NUDT5: variants seen among roughly 807,000 people sequenced by gnomAD.
The protein encoded by NUDT5 is ADP-sugar pyrophosphatase.
In NUDT5, 21 loss-of-function variants were observed where a neutral mutation model predicts 34.1. The ratio of observed to expected loss-of-function variants is 0.62; its 90% CI spans 0.44 to 0.89. The LOEUF (loss-of-function observed/expected upper bound fraction) is 0.89. Ranked by LOEUF, NUDT5 falls within the 40% of genes least tolerant of loss-of-function variation. The probability of loss-of-function intolerance (pLI) is 0.00; values close to 1 mark genes in which losing one functional copy is unlikely to be tolerated. For synonymous variants in NUDT5, 85 were observed against 97.6 expected (o/e 0.87, Z 0.76); for missense variants, 249 against 274.8 (o/e 0.91, Z 0.66).
In NUDT5 at chr10:12,182,882, G is replaced by A. The variant is rs113675989; in HGVS notation, c.131+2007C>T. On this transcript the variant is annotated intron_variant, in intron 3 of 9. Transcript: ENST00000491614. This position sits in a 1 kb window ranked among gnomAD's most constrained non-coding sequence, Gnocchi z 4.3. ...CTCCGGGGTAGCTGGGATTACAGGCGCATGCCACCACGCTGGGCTAATTTT... is the reference window on the plus strand; with the variant it reads ...CTCCGGGGTAGCTGGGATTACAGGCACATGCCACCACGCTGGGCTAATTTT... Among the ~76,000 whole-genome samples the A allele has an allele frequency of 0.094, 14,236 of 152,140 alleles. 868 individuals are homozygous for A. The highest frequency in any genetic ancestry group is 0.13 in the Non-Finnish European group (9,115 of 67,988).
At chr10:12,177,473 C>G (rs930425081) in intron 5 of NUDT5, among the ~76,000 whole-genome samples, 1 of 152,118 alleles carries the variant, frequency 6.6e-6, no homozygotes, top group South Asian at 2.1e-4. Context: ...GAGCCGAGAT[C>G]GTGCCACTGC....
chr10:12,184,496 C>G, intron 3 of NUDT5: 1 of 1,552,544 alleles, frequency 6.4e-7, no homozygotes, highest in Non-Finnish European at 8.7e-7. Flanking sequence ...GCACGTACCT[C>G]AAAATTAGCA....
chr10:12,183,996 T>C (rs1835083940), intron 3 of NUDT5, among the ~76,000 whole-genome samples: 1 of 152,232 alleles, frequency 6.6e-6, no homozygotes, highest in Non-Finnish European at 1.5e-5. Flanking sequence ...GTGAACATTT[T>C]CTATACATAA....
At chr10:12,167,903 T>C in intron 9 of NUDT5, 92 bp from the exon 10 acceptor site, 1 of 1,558,672 alleles carries the variant, frequency 6.4e-7, no homozygotes. Context: ...GGTACTACTA[T>C]ATGTCACTTC....
rs1032879816 is a variant in NUDT5 at position 12,167,413 on chromosome 10, C to A, written c.*289G>T. ...AAATACCCCTGTCTACCAGACTGGA[C>A]TAGAAAAGTAACTGAGCTGTAGTTA... On this transcript the variant is annotated 3_prime_UTR_variant, in exon 10 of 10. Transcript: ENST00000491614. 4 of 320,496 alleles carry A rather than the reference C, an allele frequency of 1.2e-5. No individual in the cohort carries two copies. The highest frequency in any genetic ancestry group is 2.3e-5 in the Non-Finnish European group (4 of 170,860). The allele number at this position is 320,496 out of a possible 1,614,324, so 19.9% of individuals were successfully genotyped here.
intron 1 of NUDT5, among the ~76,000 whole-genome samples, chr10:12,194,479 G>A (rs1835294212): frequency 6.6e-6 from 1 of 152,104 alleles, no homozygotes; most frequent in African/African-American, 2.4e-5. Context: ...CCGGATCAAG[G>A]CATAAATGAT....
rs145721779 is a variant in NUDT5, at chr10:12,169,123, T to A, written c.551-1312A>T. ...GACTTCTCAAATGTTGCTGGTTGAATAAACGGTTTGATTACTGTATTTTGA... is the reference window on the plus strand; with the variant it reads ...GACTTCTCAAATGTTGCTGGTTGAAAAAACGGTTTGATTACTGTATTTTGA... On this transcript the variant is annotated intron_variant, in intron 9 of 9. Coordinates refer to ENST00000491614, the MANE Select transcript of NUDT5 (RefSeq NM_014142.4). The surrounding 1 kb of genome is among the most constrained non-coding windows in gnomAD (Gnocchi z 4.8). 285 of 565,456 alleles carry A rather than the reference T, an allele frequency of 5.0e-4. 1 individual carries two copies. The African/African-American group carries it at 5.1e-3, about 10-fold the overall frequency. 35.0% of individuals were successfully genotyped at this position (565,456 alleles called of 1,614,324 possible).
chr10:12,184,871 G>GAAA lies in NUDT5; in HGVS notation c.131+15_131+17dup. On this transcript the variant is annotated intron_variant, in intron 3 of 9. Transcript: ENST00000491614. ...AACCCAAATAACGAACATTTTGTAA[G>GAAA]AAAAAAAAAAAGTTTACCTAGTTTT... 2.6e-6 allele frequency: 3 copies of GAAA among 1,151,882 alleles called. No homozygotes were observed. Among genetic ancestry groups the GAAA allele is most frequent in the Non-Finnish European group, 3.6e-6 (3 of 839,830 alleles). 71.4% of individuals were successfully genotyped at this position (1,151,882 alleles called of 1,614,324 possible). A position where few individuals can be genotyped will look rare whatever the true frequency, so the allele number is the denominator to read the frequency against.
In NUDT5 at chr10:12,167,157, A is replaced by G. The variant is rs1454243692; in HGVS notation, c.*545T>C. 1 of 159,058 alleles carries G rather than the reference A, an allele frequency of 6.3e-6. No homozygotes were observed. Among genetic ancestry groups the G allele is most frequent in the Non-Finnish European group, 1.4e-5 (1 of 72,046 alleles). 9.9% of individuals were successfully genotyped at this position (159,058 alleles called of 1,614,324 possible). A position where few individuals can be genotyped will look rare whatever the true frequency, so the allele number is the denominator to read the frequency against. On this transcript the variant is annotated 3_prime_UTR_variant, in exon 10 of 10. Transcript: ENST00000491614. Reference sequence around the variant, plus strand: ...AGCCTCAGTAAATAGATGAACTGAAAACTAGTAGAGGATTCTATCGAACCC... The same window carrying G: ...AGCCTCAGTAAATAGATGAACTGAAGACTAGTAGAGGATTCTATCGAACCC...
In NUDT5 at chr10:12,170,947, G is replaced by A. The variant is rs550690948; in HGVS notation, c.488-39C>T. 32 of 1,609,218 alleles carry A rather than the reference G, an allele frequency of 2.0e-5. No homozygotes were observed. Among genetic ancestry groups the A allele is most frequent in the Non-Finnish European group, 2.6e-5 (31 of 1,177,528 alleles). ...GAAGGAAAACATTTCAGCAAGGCCT[G>A]GAGTGGTAACATCGGAAGACTTTTA... is the stretch of plus-strand genomic sequence containing the variant. On this transcript the variant is annotated intron_variant, in intron 7 of 9. Coordinates refer to ENST00000491614, the MANE Select transcript of NUDT5 (RefSeq NM_014142.4). This position sits in a 1 kb window ranked among gnomAD's most constrained non-coding sequence, Gnocchi z 4.9.
rs186400014 is a variant in NUDT5, at chr10:12,171,691, A to T, written c.488-783T>A. 0.064 allele frequency among the ~76,000 whole-genome samples: 2,933 copies of T among 45,850 alleles called. 38 individuals carry two copies. Among genetic ancestry groups the T allele is most frequent in the Middle Eastern group, 0.12 (11 of 88 alleles). 30.1% of individuals were successfully genotyped at this position (45,850 alleles called of 152,430 possible). ...CAGTTCAAAAATTAAGATTTATTTTATTTATTTATTTATTTATTTATTTAT... is the reference window on the plus strand; with the variant it reads ...CAGTTCAAAAATTAAGATTTATTTTTTTTATTTATTTATTTATTTATTTAT... On this transcript the variant is annotated intron_variant, in intron 7 of 9. Transcript: ENST00000491614. This position sits in a 1 kb window ranked among gnomAD's most constrained non-coding sequence, Gnocchi z 4.2.
chr10:12,168,833 G>A lies in NUDT5; in HGVS notation c.551-1022C>T, dbSNP rs1834778334. Among the ~76,000 whole-genome samples, 1 of 152,004 alleles carries A rather than the reference G, an allele frequency of 6.6e-6. No individual in the cohort carries two copies. Among genetic ancestry groups the A allele is most frequent in the African/African-American group, 2.4e-5 (1 of 41,378 alleles). ...GCTGCAGTGCAGTGCCACGATCTTG[G>A]CTCACTGCAACCTGCGCCTCCCGGG... On this transcript the variant is annotated intron_variant, in intron 9 of 9. Transcript: ENST00000491614. This position sits in a 1 kb window ranked among gnomAD's most constrained non-coding sequence, Gnocchi z 4.8.
rs1834854338 is a variant in NUDT5, at chr10:12,171,546, CCT to C, written c.488-640_488-639del. On this transcript the variant is annotated intron_variant, in intron 7 of 9. Transcript: ENST00000491614. The surrounding 1 kb of genome is among the most constrained non-coding windows in gnomAD (Gnocchi z 4.2). ...ACACAGGCACGCAAGTATATGAGTCCCTGTTTCACTTCTTCTGGGTGTAGACT... is the reference window on the plus strand; with the variant it reads ...ACACAGGCACGCAAGTATATGAGTCCGTTTCACTTCTTCTGGGTGTAGACT... 6.6e-6 allele frequency among the ~76,000 whole-genome samples: 1 copy of C among 152,028 alleles called. No individual in the cohort carries two copies. The highest frequency in any genetic ancestry group is 2.4e-5 in the African/African-American group (1 of 41,396).
chr10:12,195,782 G>C lies in NUDT5; in HGVS notation c.-54C>G. The C allele has an allele frequency of 3.9e-5, 8 of 203,684 alleles. No individual in the cohort carries two copies. The highest frequency in any genetic ancestry group is 1.1e-4 in the Admixed American group (2 of 18,628). The allele number at this position is 203,684 out of a possible 1,614,324, so 12.6% of individuals were successfully genotyped here. A position where few individuals can be genotyped will look rare whatever the true frequency, so the allele number is the denominator to read the frequency against. On this transcript the variant is annotated 5_prime_UTR_variant, in exon 1 of 10. Transcript: ENST00000491614. ...CCCGGTTACTTACTCCAAGGTGTAG[G>C]GGTGAAGAACGGAAGAGGACGAAAT...
chr10:12,167,836 T>C, intron 9 of NUDT5, 25 bp from the exon 10 acceptor site: 1 of 1,612,522 alleles, frequency 6.2e-7, no homozygotes, highest in Non-Finnish European at 8.5e-7. Flanking sequence ...GAAAACAACT[T>C]AGATCATGCC....
At chr10:12,172,178 T>C (rs977656067) in intron 7 of NUDT5, among the ~76,000 whole-genome samples, 6 of 152,208 alleles carry the variant, frequency 3.9e-5, no homozygotes, top group African/African-American at 1.4e-4. Flanking sequence ...CAACACGGAA[T>C]TGACAGAGAC....
Position 12,189,198 on chromosome 10 carries a change from C to A in NUDT5, c.-41-2866G>T, listed in dbSNP as rs183227124. 2.4e-3 allele frequency among the ~76,000 whole-genome samples: 363 copies of A among 152,188 alleles called. 1 individual carries two copies. The highest frequency in any genetic ancestry group is 8.4e-3 in the African/African-American group (348 of 41,532). On this transcript the variant is annotated intron_variant, in intron 1 of 9. Coordinates refer to ENST00000491614, the MANE Select transcript of NUDT5 (RefSeq NM_014142.4). ...TCGGCTCACTGCAACCTCTGCCTCA[C>A]GGATTCAAGCGATTCTCCTGCCTCA...
At chr10:12,167,959 C>G (rs1347944399) in intron 9 of NUDT5, 148 bp from the exon 10 acceptor site, 2 of 1,380,224 alleles carry the variant, frequency 1.4e-6, no homozygotes, top group African/African-American at 3.0e-5. Flanking sequence ...CTATAAGGAT[C>G]TTAAAGAATA....
Position 12,165,364 on chromosome 10 carries a change from C to A in NUDT5, c.*2338G>T, listed in dbSNP as rs1030526925. The A allele has an allele frequency of 2.0e-6, 2 of 976,486 alleles. No individual in the cohort carries two copies. Among genetic ancestry groups the A allele is most frequent in the Non-Finnish European group, 2.4e-6 (2 of 821,832 alleles). The allele number at this position is 976,486 out of a possible 1,614,324, so 60.5% of individuals were successfully genotyped here. On this transcript the variant is annotated 3_prime_UTR_variant, in exon 10 of 10. Coordinates refer to ENST00000491614, the MANE Select transcript of NUDT5 (RefSeq NM_014142.4). ...GACAATAAACTTTTATTTAAGAAAA[C>A]TGATTCAGTTGTGTTGGAAAAAATA... is the stretch of plus-strand genomic sequence containing the variant.
Sources: gnomAD v4.1 joint callset for allele counts (sites outside exome capture counted in the v4.1 genomes callset) on GRCh38, gnomAD v4.1.1 for gene constraint, Gnocchi (gnomAD v3.1) non-coding constraint, MANE v1.5 for transcripts, NCBI Gene and HGNC (gene_info 2026-07-23, HGNC 2026-07-21) for gene names.